Variants in GPSM2 observed in about 807,000 individuals in gnomAD.
GPSM2 encodes the protein G protein signaling modulator 2, also known as G protein-signaling modulator 2.
Under a neutral mutation model 78.4 loss-of-function variants are expected in GPSM2, and 58 were observed. The ratio of observed to expected loss-of-function variants is 0.74; its 90% CI spans 0.60 to 0.92. The LOEUF (loss-of-function observed/expected upper bound fraction) is 0.92, where lower values mean the gene tolerates loss of function less well. Among genes scored for constraint, GPSM2 ranks in the 40% least tolerant of loss-of-function variants. GPSM2 has a pLI of 0.00. For synonymous variants in GPSM2, 224 were observed against 280.2 expected, an observed-to-expected ratio of 0.80 and a Z score of 2.00; for missense variants, 700 against 815.5, an observed-to-expected ratio of 0.86 and a Z score of 1.73.
At chr1:108,905,465 A>C (rs1649153662) in intron 10 of GPSM2, among the ~76,000 whole-genome samples, 1 of 152,120 alleles carries the variant, frequency 6.6e-6, no homozygotes, top group Non-Finnish European at 1.5e-5. Flanking sequence ...TTCACATGTC[A>C]GCTTACTTGA....
chr1:108,896,337 G>A (rs1648364638), intron 2 of GPSM2, among the ~76,000 whole-genome samples: 1 of 152,110 alleles, frequency 6.6e-6, no homozygotes, highest in Non-Finnish European at 1.5e-5. Flanking sequence ...GACATGTGGT[G>A]GTAAGAAGAG....
chr1:108,919,308 A>G (rs571457976), intron 12 of GPSM2, among the ~76,000 whole-genome samples: 4 of 152,174 alleles, frequency 2.6e-5, no homozygotes, highest in African/African-American at 9.6e-5. Context: ...GCGCCTGGCC[A>G]ATAATTATTT....
chr1:108,910,885 G>C (rs1487205478), intron 10 of GPSM2, among the ~76,000 whole-genome samples: 1 of 151,772 alleles, frequency 6.6e-6, no homozygotes, highest in East Asian at 1.9e-4. Context: ...AATTCAAGTG[G>C]ATTCAACATT....
At chr1:108,900,274 T>G (rs1177446301) in intron 7 of GPSM2, among the ~76,000 whole-genome samples, 1 of 151,406 alleles carries the variant, frequency 6.6e-6, no homozygotes, top group Non-Finnish European at 1.5e-5. Context: ...AGTTTTGCTC[T>G]TGTCGCCCAG....
chr1:108,899,977 A>G (rs1648660193), intron 7 of GPSM2, among the ~76,000 whole-genome samples: 1 of 152,182 alleles, frequency 6.6e-6, no homozygotes, highest in South Asian at 2.1e-4. Context: ...GAAGGAGTAT[A>G]TATTTTGATT....
intron 1 of GPSM2, among the ~76,000 whole-genome samples, chr1:108,881,936 A>C (rs1177552572): frequency 3.3e-5 from 5 of 152,198 alleles, no homozygotes; most frequent in Admixed American, 3.3e-4. Flanking sequence ...TTAAGAACTC[A>C]TGGATGAGAA....
At chr1:108,919,423 C>G (rs58037560) in intron 12 of GPSM2, among the ~76,000 whole-genome samples, 11,459 of 152,226 alleles carry the variant, frequency 0.075, 473 homozygotes, top group Non-Finnish European at 0.086. Context: ...AAATTAAATT[C>G]AGATGCTCAA....
Position 108,885,303 on chromosome 1 carries a change from C to A in GPSM2, c.-220C>A. ...TGTTGCTGAAGTGCTGCTGAAAGGG[C>A]CAGAGATGCAAGGATTTGGGATACA... On this transcript the variant is annotated 5_prime_UTR_variant, in exon 2 of 15. Transcript: ENST00000264126. 1 of 439,320 alleles carries A rather than the reference C, an allele frequency of 2.3e-6. No homozygotes were observed. Among genetic ancestry groups the A allele is most frequent in the Non-Finnish European group, 4.0e-6 (1 of 247,366 alleles). The allele number at this position is 439,320 out of a possible 1,614,324, so 27.2% of individuals were successfully genotyped here.
chr1:108,901,612 A>G (rs1002060329), intron 7 of GPSM2, among the ~76,000 whole-genome samples, 178 bp from the exon 8 acceptor site: 25 of 152,320 alleles, frequency 1.6e-4, no homozygotes, highest in African/African-American at 6.0e-4. Context: ...CTGTGTTTCA[A>G]AAACGTCTTT....
rs1420363434 is a variant in GPSM2 at position 108,901,780 on chromosome 1, C to A, written c.798-10C>A. On this transcript the variant is annotated splice_polypyrimidine_tract_variant and intron_variant, in intron 7 of 14. Coordinates refer to ENST00000264126, the MANE Select transcript of GPSM2 (RefSeq NM_013296.5). Reference sequence around the variant, plus strand: ...ATGATCATTATATAAGAATTAATTTCTTCTTGTAGGAAGACACTACTGTTG... The same window carrying A: ...ATGATCATTATATAAGAATTAATTTATTCTTGTAGGAAGACACTACTGTTG... 4.4e-6 allele frequency: 7 copies of A among 1,599,984 alleles called. No homozygotes were observed. Among genetic ancestry groups the A allele is most frequent in the South Asian group, 1.1e-5 (1 of 90,796 alleles).
chr1:108,911,030 T>C (rs918304928), intron 10 of GPSM2, among the ~76,000 whole-genome samples: 10 of 152,114 alleles, frequency 6.6e-5, no homozygotes, highest in African/African-American at 2.4e-4. Context: ...ATGAAAATAT[T>C]CCATTTATAA....
At chr1:108,903,450 G>A (rs984940618) in intron 9 of GPSM2, among the ~76,000 whole-genome samples, 6 of 152,104 alleles carry the variant, frequency 3.9e-5, no homozygotes, top group East Asian at 3.8e-4. Flanking sequence ...AAGTAAGGCC[G>A]GGCATGGGGA....
chr1:108,929,829 T>C lies in GPSM2; in HGVS notation c.1944T>C (p.Val648=). 6.2e-7 allele frequency: 1 copy of C among 1,614,128 alleles called. No individual in the cohort carries two copies. The highest frequency in any genetic ancestry group is 8.5e-7 in the Non-Finnish European group (1 of 1,179,974). The part of the protein sequence containing the change: ...SQGKRMDEQR[V]LLQRDQNRDT... ...GAAAGAGAATGGATGAACAGAGAGTTCTTTTACAAAGAGATCAAAACAGAG... is the reference window on the plus strand; with the variant it reads ...GAAAGAGAATGGATGAACAGAGAGTCCTTTTACAAAGAGATCAAAACAGAG... The change falls in exon 15 of 15, where the codon GTT becomes GTC. Residue 648 remains valine (V), a synonymous_variant. Coordinates refer to ENST00000264126, the MANE Select transcript of GPSM2 (RefSeq NM_013296.5).
At chr1:108,906,110 A>G (rs1029376125) in intron 10 of GPSM2, among the ~76,000 whole-genome samples, 2 of 152,232 alleles carry the variant, frequency 1.3e-5, no homozygotes, top group African/African-American at 4.8e-5. Context: ...TAGCATGTCC[A>G]TAATGTTTTC....
chr1:108,908,121 C>G (rs1200304513), intron 10 of GPSM2, among the ~76,000 whole-genome samples: 4 of 152,216 alleles, frequency 2.6e-5, no homozygotes, highest in African/African-American at 9.6e-5. Flanking sequence ...CCTGTAATTC[C>G]AGCACTTTGG....
At chr1:108,921,589 T>A (rs1650713323) in intron 12 of GPSM2, among the ~76,000 whole-genome samples, 1 of 152,182 alleles carries the variant, frequency 6.6e-6, no homozygotes, top group African/African-American at 2.4e-5. Context: ...AAAGTCTACA[T>A]TTGTTAGTAT....
At position 108,931,062 on chromosome 1, in the gene GPSM2, G is replaced by GTATC. The variant is rs913433021; in HGVS notation, c.*1124_*1127dup. ...GCAAGACCCTGTCTCTAGAAAACAA[G>GTATC]TATCTTTTGTGTGTTTTGGGCTGTT... On this transcript the variant is annotated 3_prime_UTR_variant, in exon 15 of 15. Transcript: ENST00000264126. 3.1e-5 allele frequency: 8 copies of GTATC among 261,118 alleles called. No individual in the cohort carries two copies. In the East Asian group the frequency reaches 4.9e-4, roughly 16 times the overall value. 16.2% of individuals were successfully genotyped at this position (261,118 alleles called of 1,614,324 possible). A position where few individuals can be genotyped will look rare whatever the true frequency, so the allele number is the denominator to read the frequency against.
In GPSM2 at chr1:108,932,166, C is replaced by G. The variant is rs1443784071; in HGVS notation, c.*2226C>G. Reference sequence around the variant, plus strand: ...ATGCACATCTGTAATCCTAGCTACTCGGGAGACTGAGGCAGGAGAATCTCT... The same window carrying G: ...ATGCACATCTGTAATCCTAGCTACTGGGGAGACTGAGGCAGGAGAATCTCT... On this transcript the variant is annotated 3_prime_UTR_variant, in exon 15 of 15. Coordinates refer to ENST00000264126, the MANE Select transcript of GPSM2 (RefSeq NM_013296.5). 6.6e-6 allele frequency: 1 copy of G among 152,092 alleles called. No individual in the cohort carries two copies. The highest frequency in any genetic ancestry group is 1.9e-4 in the East Asian group (1 of 5,178). 9.4% of individuals were successfully genotyped at this position (152,092 alleles called of 1,614,324 possible). A position where few individuals can be genotyped will look rare whatever the true frequency, so the allele number is the denominator to read the frequency against.
rs1033301409 is a variant in GPSM2, at chr1:108,904,352, C to G, written c.1192+98C>G. Reference sequence around the variant, plus strand: ...TGGCATATTCAGAGAGAATATATAACATGGGAAGTTCAACTTATTACACTT... The same window carrying G: ...TGGCATATTCAGAGAGAATATATAAGATGGGAAGTTCAACTTATTACACTT... On this transcript the variant is annotated intron_variant, in intron 10 of 14. Coordinates refer to ENST00000264126, the MANE Select transcript of GPSM2 (RefSeq NM_013296.5). The G allele has an allele frequency of 5.9e-6, 4 of 683,496 alleles. No individual in the cohort carries two copies. In the African/African-American group the frequency reaches 7.2e-5, roughly 12 times the overall value. 42.3% of individuals were successfully genotyped at this position (683,496 alleles called of 1,614,324 possible). A position where few individuals can be genotyped will look rare whatever the true frequency, so the allele number is the denominator to read the frequency against.
Sources: gnomAD v4.1 joint callset for allele counts (sites outside exome capture counted in the v4.1 genomes callset) on GRCh38, gnomAD v4.1.1 for gene constraint, MANE v1.5 for transcripts, NCBI Gene and HGNC (gene_info 2026-07-23, HGNC 2026-07-21) for gene names.